The following ENTPD5 variants were observed in gnomAD, a reference collection of about 807,000 sequenced individuals.
ENTPD5 encodes ectonucleoside triphosphate diphosphohydrolase 5 (inactive), also known as nucleoside diphosphate phosphatase ENTPD5.
ENTPD5 carries 49 observed loss-of-function variants against 60.2 expected under a neutral mutation model. The ratio of observed to expected loss-of-function variants is 0.81; its 90% confidence interval spans 0.65 to 1.03. The LOEUF is 1.03. Ranked by LOEUF, ENTPD5 falls within the 50% of genes least tolerant of loss-of-function variation. The probability of loss-of-function intolerance (pLI) is 0.00; values close to 1 mark genes in which losing one functional copy is unlikely to be tolerated. For synonymous variants in ENTPD5, 187 were observed against 185.4 expected, an observed-to-expected ratio of 1.01 and a Z score of -0.07; for missense variants, 480 against 507.6, an observed-to-expected ratio of 0.95 and a Z score of 0.52.
downstream of ENTPD5, chr14:73,959,259 A>G (rs772524163): frequency 6.2e-7 from 1 of 1,614,220 alleles, no homozygotes; most frequent in Non-Finnish European, 8.5e-7. Context: ...GCCCACATGC[A>G]TGCAAGCCTT....
chr14:73,967,844 G>T (rs995174864), intron 15 of ENTPD5, among the ~76,000 whole-genome samples: 2 of 151,280 alleles, frequency 1.3e-5, no homozygotes, highest in African/African-American at 2.4e-5. Flanking sequence ...AACAAAAAAG[G>T]CCAGGAGTGG....
At chr14:74,006,145 A>C (rs4903169) in intron 3 of ENTPD5, among the ~76,000 whole-genome samples, 106,795 of 151,562 alleles carry the variant, frequency 0.7, 38,030 homozygotes, top group South Asian at 0.78. Flanking sequence ...TACACCACCA[A>C]GCCCAGCAAA....
intron 14 of ENTPD5, among the ~76,000 whole-genome samples, chr14:73,971,557 G>A (rs1180176891): frequency 6.6e-6 from 1 of 152,174 alleles, no homozygotes; most frequent in African/African-American, 2.4e-5. Context: ...TCACTATGTT[G>A]CCTAAGCTGC....
chr14:73,988,275 C>G, intron 3 of ENTPD5, 103 bp from the exon 4 acceptor site: 1 of 1,118,754 alleles, frequency 8.9e-7, no homozygotes, highest in Non-Finnish European at 1.2e-6. Flanking sequence ...CTTCCCTATT[C>G]TAATAACCTG....
intron 5 of ENTPD5, among the ~76,000 whole-genome samples, chr14:73,985,968 A>T (rs993803567): frequency 6.7e-6 from 1 of 150,366 alleles, no homozygotes; most frequent in Non-Finnish European, 1.5e-5. Flanking sequence ...GCTACTCGGG[A>T]GGCTGAGGCA....
chr14:73,998,015 TATTC>T (rs1748213123), intron 3 of ENTPD5, among the ~76,000 whole-genome samples: 1 of 152,160 alleles, frequency 6.6e-6, no homozygotes, highest in Admixed American at 6.5e-5. Flanking sequence ...TTTGTTCCTA[TATTC>T]ATTCATTCAT....
intron 5 of ENTPD5, among the ~76,000 whole-genome samples, chr14:73,984,738 CCT>C (rs1462465846): frequency 4.0e-5 from 6 of 151,274 alleles, no homozygotes; most frequent in East Asian, 1.9e-4. Flanking sequence ...CAAATATACC[CCT>C]GACCCTGGTA....
downstream of ENTPD5, chr14:73,961,757 G>A (rs1214909844): frequency 6.2e-7 from 1 of 1,614,198 alleles, no homozygotes. Flanking sequence ...CCACCTCACA[G>A]GTTATGAAAC....
intron 7 of ENTPD5, 81 bp downstream of exon 7, chr14:73,977,218 T>C: frequency 7.6e-7 from 1 of 1,308,448 alleles, no homozygotes; most frequent in Non-Finnish European, 1.1e-6. Context: ...TTCTGTTTAT[T>C]CCTGGCCCCA....
downstream of ENTPD5, chr14:73,958,552 T>C: frequency 7.6e-7 from 1 of 1,310,676 alleles, no homozygotes; most frequent in South Asian, 1.5e-5. Context: ...GGCTGTTCTT[T>C]CCCTCTGAGG....
intron 3 of ENTPD5, among the ~76,000 whole-genome samples, chr14:73,995,529 G>A (rs1457784279): frequency 2.6e-5 from 4 of 151,144 alleles, no homozygotes; most frequent in Admixed American, 6.6e-5. Context: ...AGTGGCTCAC[G>A]CCTGTTAAGT....
At chr14:73,994,784 C>G (rs1237703867) in intron 3 of ENTPD5, among the ~76,000 whole-genome samples, 1 of 151,750 alleles carries the variant, frequency 6.6e-6, no homozygotes, top group African/African-American at 2.4e-5. Context: ...TTTACAGAAC[C>G]CGAGTCTGCA....
At chr14:73,978,090 A>C (rs1193556960) in intron 6 of ENTPD5, among the ~76,000 whole-genome samples, 1 of 152,218 alleles carries the variant, frequency 6.6e-6, no homozygotes, top group African/African-American at 2.4e-5. Flanking sequence ...AACATACCAC[A>C]TAATGACCTC....
intron 9 of ENTPD5, 82 bp downstream of exon 9, chr14:73,976,242 C>A (rs138678225): frequency 1.6e-6 from 2 of 1,238,030 alleles, no homozygotes; most frequent in African/African-American, 1.5e-5. Flanking sequence ...GAGCTGCTGG[C>A]TGAAAATGGG....
downstream of ENTPD5, chr14:73,955,429 C>T (rs1036540303): frequency 3.7e-6 from 6 of 1,608,824 alleles, no homozygotes; most frequent in African/African-American, 8.0e-5. Flanking sequence ...TCACTCTGGT[C>T]TATAGATCCT....
downstream of ENTPD5, chr14:73,963,103 T>C: frequency 2.0e-6 from 2 of 982,384 alleles, no homozygotes; most frequent in East Asian, 5.0e-5. Flanking sequence ...AAACTTACTT[T>C]ACATTAAAAT....
intron 5 of ENTPD5, among the ~76,000 whole-genome samples, chr14:73,986,014 G>C (rs535704450): frequency 4.4e-4 from 66 of 148,338 alleles, no homozygotes; most frequent in African/African-American, 1.6e-3. Flanking sequence ...AGAGGTTGTA[G>C]TAAGCCGAGA....
downstream of ENTPD5, chr14:73,959,001 C>A (rs769890899): frequency 1.2e-6 from 2 of 1,614,070 alleles, no homozygotes; most frequent in East Asian, 4.5e-5. Flanking sequence ...CTCCGGAGTA[C>A]GGCAGGCTGT....
intron 5 of ENTPD5, among the ~76,000 whole-genome samples, chr14:73,985,830 T>C (rs1447223701): frequency 3.3e-5 from 5 of 151,972 alleles, no homozygotes; most frequent in Admixed American, 6.6e-5. Flanking sequence ...TCCCAGCACT[T>C]TGAGAGGCTG....
Sources: gnomAD v4.1 joint callset for allele counts (sites outside exome capture counted in the v4.1 genomes callset) on GRCh38, gnomAD v4.1.1 for gene constraint, MANE v1.5 for transcripts, NCBI Gene and HGNC (gene_info 2026-07-23, HGNC 2026-07-21) for gene names.